The following PTPRN2 variants were observed in gnomAD, a reference collection of about 807,000 sequenced individuals.
PTPRN2 encodes the protein receptor-type tyrosine-protein phosphatase N2.
In PTPRN2, 74 loss-of-function variants were observed where a neutral mutation model predicts 118.8. The observed-to-expected ratio is 0.62, with a 90% CI of 0.52 to 0.76. The LOEUF is 0.76. PTPRN2 is among the 30% of genes least tolerant of loss of function. The pLI, the probability that PTPRN2 is intolerant of heterozygous loss-of-function variation, is 0.00. For synonymous variants in PTPRN2, 641 were observed against 608.0 expected (o/e 1.05, Z -0.80); for missense variants, 1,481 against 1,394.4 (o/e 1.06, Z -0.99).
At chr7:157,962,655 C>T (rs1801627250) in intron 11 of PTPRN2, among the ~76,000 whole-genome samples, 1 of 152,210 alleles carries the variant, frequency 6.6e-6, no homozygotes, top group Admixed American at 6.5e-5. Context: ...TGAGGAACAC[C>T]TGTGGACAAG....
chr7:158,403,096 G>T (rs1182488675), intron 2 of PTPRN2, among the ~76,000 whole-genome samples: 1 of 152,178 alleles, frequency 6.6e-6, no homozygotes, highest in African/African-American at 2.4e-5. Context: ...ACACCACAGG[G>T]TTTTGGTGAA....
rs780233121 is a variant in PTPRN2 at position 158,583,875 on chromosome 7, G to A, written c.112+3683C>T. ...GTTGCTCATTACCATCCAACCAAAC[G>A]GAATCAGAGGCTCTGGACCCCAAGA... On this transcript the variant is annotated intron_variant, in intron 1 of 22. Coordinates refer to ENST00000389418, the MANE Select transcript of PTPRN2 (RefSeq NM_002847.5). Among the ~76,000 whole-genome samples the A allele has an allele frequency of 3.2e-4, 48 of 152,164 alleles. 1 individual carries two copies. Among genetic ancestry groups the A allele is most frequent in the Admixed American group, 4.6e-4 (7 of 15,278 alleles).
intron 6 of PTPRN2, among the ~76,000 whole-genome samples, chr7:158,155,745 TCAC>T (rs1563529945): frequency 4.2e-5 from 6 of 143,160 alleles, no homozygotes; most frequent in Non-Finnish European, 7.5e-5. Context: ...ATCACCATCA[TCAC>T]CATCACCATC....
chr7:157,661,487 GC>G (rs1177507387), intron 13 of PTPRN2, among the ~76,000 whole-genome samples: 4 of 127,268 alleles, frequency 3.1e-5, no homozygotes, highest in Admixed American at 7.9e-5. Flanking sequence ...GGGTGCTCTA[GC>G]CCGGCGCTGC....
chr7:158,150,100 G>T lies in PTPRN2; in HGVS notation c.911-11585C>A, dbSNP rs190898571. On this transcript the variant is annotated intron_variant, in intron 6 of 22. Coordinates refer to ENST00000389418, the MANE Select transcript of PTPRN2 (RefSeq NM_002847.5). ...GGAAGAGGCCGTGGGGCAGAAGGCT[G>T]CCGTGGGTGTTCTGCTGAGCTCTGA... Among the ~76,000 whole-genome samples the T allele has an allele frequency of 6.6e-5, 10 of 152,306 alleles. No individual in the cohort carries two copies. The East Asian group carries it at 1.4e-3, about 21-fold the overall frequency.
rs972181566 is a variant in PTPRN2 at position 157,583,682 on chromosome 7, G to T, written c.2497-5542C>A. On this transcript the variant is annotated intron_variant, in intron 17 of 22. Coordinates refer to ENST00000389418, the MANE Select transcript of PTPRN2 (RefSeq NM_002847.5). This position sits in a 1 kb window ranked among gnomAD's most constrained non-coding sequence, Gnocchi z 5.5. Reference sequence around the variant, plus strand: ...GCGAATCACTTGAGGTCAGGAGTTCGAGACTAGCCTCGCCAACATGGCAAA... The same window carrying T: ...GCGAATCACTTGAGGTCAGGAGTTCTAGACTAGCCTCGCCAACATGGCAAA... 6.6e-6 allele frequency among the ~76,000 whole-genome samples: 1 copy of T among 152,210 alleles called. No individual in the cohort carries two copies. Among genetic ancestry groups the T allele is most frequent in the Non-Finnish European group, 1.5e-5 (1 of 68,038 alleles).
intron 12 of PTPRN2, among the ~76,000 whole-genome samples, chr7:157,736,737 C>A (rs1800320304): frequency 6.6e-6 from 1 of 152,134 alleles, no homozygotes; most frequent in Non-Finnish European, 1.5e-5. Flanking sequence ...GTGTCCGCCC[C>A]TGGCCACGGA....
intron 4 of PTPRN2, among the ~76,000 whole-genome samples, chr7:158,197,074 T>C (rs1186763892): frequency 6.6e-6 from 1 of 152,174 alleles, no homozygotes; most frequent in East Asian, 1.9e-4. Flanking sequence ...TCACAGAATT[T>C]GATGCTACAT....
At chr7:158,219,751 T>C (rs1259160135) in intron 3 of PTPRN2, among the ~76,000 whole-genome samples, 2 of 151,966 alleles carry the variant, frequency 1.3e-5, no homozygotes, top group Non-Finnish European at 2.9e-5. Context: ...CTGGGTTTTT[T>C]CCATTTCTTC....
chr7:157,690,859 C>T lies in PTPRN2; in HGVS notation c.1789-7922G>A, dbSNP rs1797446184. On this transcript the variant is annotated intron_variant, in intron 12 of 22. Transcript: ENST00000389418. This position sits in a 1 kb window ranked among gnomAD's most constrained non-coding sequence, Gnocchi z 7.1. ...CTCGGCCCAGCTCCGCGTGCTCCGC[C>T]CCGGCCCGGCCCCCGGGCTAGGCAC... is the stretch of plus-strand genomic sequence containing the variant. 6.8e-6 allele frequency among the ~76,000 whole-genome samples: 1 copy of T among 146,882 alleles called. No homozygotes were observed. Among genetic ancestry groups the T allele is most frequent in the South Asian group, 2.1e-4 (1 of 4,814 alleles).
chr7:158,395,687 CGCGAGGGGCGAGGGGCGAGGG>C (rs1345145041), intron 2 of PTPRN2, among the ~76,000 whole-genome samples: 2 of 6,628 alleles, frequency 3.0e-4, no homozygotes, highest in Admixed American at 3.0e-3. Flanking sequence ...AGGGGCGAGG[CGCGAGGGGCGAGGGGCGAGGG>C]GCGAGGGGCG....
chr7:157,663,514 G>A lies in PTPRN2; in HGVS notation c.2002-6963C>T, dbSNP rs532898928. Among the ~76,000 whole-genome samples the A allele has an allele frequency of 9.8e-5, 15 of 152,330 alleles. No homozygotes were observed. In the South Asian group the frequency reaches 2.5e-3, roughly 25 times the overall value. ...GGTCGGGCCAGCTCCCTCCAAGGAC[G>A]GGGGCTGGGACGTTTGGCCGCTGCC... On this transcript the variant is annotated intron_variant, in intron 13 of 22. Coordinates refer to ENST00000389418, the MANE Select transcript of PTPRN2 (RefSeq NM_002847.5).
chr7:157,736,640 G>A (rs1399256483), intron 12 of PTPRN2, among the ~76,000 whole-genome samples: 3 of 152,102 alleles, frequency 2.0e-5, no homozygotes, highest in East Asian at 1.9e-4. Context: ...GTGGTCCTGG[G>A]CACGGCCACC....
intron 2 of PTPRN2, among the ~76,000 whole-genome samples, chr7:158,373,689 C>T (rs185126331): frequency 3.9e-5 from 6 of 152,304 alleles, no homozygotes; most frequent in East Asian, 3.9e-4. Context: ...CACTGCAGTG[C>T]GGCCAGTTCC....
In PTPRN2 at chr7:157,583,503, C is replaced by T. The variant is rs538553809; in HGVS notation, c.2497-5363G>A. ...AAGAAACGGTAACTACGCGAGGAGACGTGTATTCATTAGCTTGACTGTGGT... is the reference window on the plus strand; with the variant it reads ...AAGAAACGGTAACTACGCGAGGAGATGTGTATTCATTAGCTTGACTGTGGT... On this transcript the variant is annotated intron_variant, in intron 17 of 22. Coordinates refer to ENST00000389418, the MANE Select transcript of PTPRN2 (RefSeq NM_002847.5). The surrounding 1 kb of genome is among the most constrained non-coding windows in gnomAD (Gnocchi z 5.5). Among the ~76,000 whole-genome samples, 9 of 152,222 alleles carry T rather than the reference C, an allele frequency of 5.9e-5. No homozygotes were observed. Among genetic ancestry groups the T allele is most frequent in the East Asian group, 3.9e-4 (2 of 5,184 alleles).
intron 1 of PTPRN2, among the ~76,000 whole-genome samples, chr7:158,527,342 A>G (rs1406886836): frequency 6.6e-6 from 1 of 151,936 alleles, no homozygotes; most frequent in Admixed American, 6.5e-5. Flanking sequence ...CCCTGGCCAC[A>G]GCTCCCTGAA....
At chr7:158,009,611 A>G (rs139690594) in intron 11 of PTPRN2, among the ~76,000 whole-genome samples, 1 of 152,322 alleles carries the variant, frequency 6.6e-6, no homozygotes, top group Admixed American at 6.5e-5. Context: ...TTCCCACTTA[A>G]TATAAAAACC....
intron 1 of PTPRN2, among the ~76,000 whole-genome samples, chr7:158,503,694 T>A (rs142104573): frequency 0.011 from 1,737 of 152,312 alleles, 24 homozygotes; most frequent in Non-Finnish European, 0.016. Flanking sequence ...TCTGCACCTG[T>A]TCACTTGAAA....
At position 157,653,505 on chromosome 7, in the gene PTPRN2, G is replaced by A. The variant is rs1367520102; in HGVS notation, c.2196+2852C>T. 4.6e-5 allele frequency among the ~76,000 whole-genome samples: 7 copies of A among 152,266 alleles called. No individual in the cohort carries two copies. In the East Asian group the frequency reaches 7.7e-4, roughly 17 times the overall value. On this transcript the variant is annotated intron_variant, in intron 14 of 22. Transcript: ENST00000389418. ...CTTTCTACAGCCTGTGTGTGCCAGG[G>A]AGGGTGGCGGTCAGTGCCCCGAGAT... is the stretch of plus-strand genomic sequence containing the variant.
Sources: gnomAD v4.1 joint callset for allele counts (sites outside exome capture counted in the v4.1 genomes callset) on GRCh38, gnomAD v4.1.1 for gene constraint, Gnocchi (gnomAD v3.1) non-coding constraint, MANE v1.5 for transcripts, NCBI Gene and HGNC (gene_info 2026-07-23, HGNC 2026-07-21) for gene names.